CPNE4: variants seen among roughly 807,000 people sequenced by gnomAD.
CPNE4 encodes copine-4.
A neutral mutation model predicts 67.9 loss-of-function variants in CPNE4; 25 were observed. The ratio of observed to expected loss-of-function variants is 0.37; its 90% CI spans 0.27 to 0.51. The LOEUF is 0.51. Ranked by LOEUF, CPNE4 falls within the 20% of genes least tolerant of loss-of-function variation. CPNE4 has a pLI of 0.93. For synonymous variants in CPNE4, 242 were observed against 244.9 expected, an observed-to-expected ratio of 0.99 and a Z score of 0.11; for missense variants, 464 against 690.8, an observed-to-expected ratio of 0.67 and a Z score of 3.68.
intron 2 of CPNE4, among the ~76,000 whole-genome samples, chr3:131,785,671 TTCTCTCTCTCTC>T (rs10584037): frequency 1.1e-4 from 15 of 142,742 alleles, no homozygotes; most frequent in Non-Finnish European, 1.8e-4. Context: ...CTTTCTCTCT[TTCTCTCTCTCTC>T]TCTCTCTCTC....
intron 7 of CPNE4, among the ~76,000 whole-genome samples, chr3:131,650,724 G>C (rs1335692385): frequency 8.5e-6 from 1 of 118,196 alleles, no homozygotes; most frequent in Non-Finnish European, 1.6e-5. Flanking sequence ...CAGCCTGGGG[G>C]ACAGAGCAAG....
chr3:131,984,798 T>C lies in CPNE4; in HGVS notation c.-2+49769A>G, dbSNP rs74921010. On this transcript the variant is annotated intron_variant, in intron 1 of 15. Transcript: ENST00000429747. ...TAATACCTCAGTTTCTTCTGTCTTCTAGGGAGATACCTCTGAGGTCTATCT... is the reference window on the plus strand; with the variant it reads ...TAATACCTCAGTTTCTTCTGTCTTCCAGGGAGATACCTCTGAGGTCTATCT... 6.3e-3 allele frequency among the ~76,000 whole-genome samples: 959 copies of C among 152,300 alleles called. 12 individuals carry two copies. Among genetic ancestry groups the C allele is most frequent in the African/African-American group, 0.021 (882 of 41,552 alleles).
At chr3:131,684,245 A>G (rs1159181164) in intron 6 of CPNE4, among the ~76,000 whole-genome samples, 1 of 152,144 alleles carries the variant, frequency 6.6e-6, no homozygotes, top group Non-Finnish European at 1.5e-5. Flanking sequence ...CTATTTGGCC[A>G]TCTTGCTCTA....
intron 2 of CPNE4, among the ~76,000 whole-genome samples, chr3:131,804,162 A>C (rs890298029): frequency 6.6e-6 from 1 of 151,994 alleles, no homozygotes; most frequent in Non-Finnish European, 1.5e-5. Flanking sequence ...TGATTCAACT[A>C]TCAGGTAGAA....
chr3:131,920,677 C>T lies in CPNE4; in HGVS notation c.-1-15233G>A, dbSNP rs551281421. ...AGATGCTGATAAGAAAAAAAATCTC[C>T]GGAACCAGGAACTAGGCCCTTAAAA... On this transcript the variant is annotated intron_variant, in intron 1 of 15. Transcript: ENST00000429747. Among the ~76,000 whole-genome samples, 6 of 151,886 alleles carry T rather than the reference C, an allele frequency of 4.0e-5. No individual in the cohort carries two copies. In the South Asian group the frequency reaches 6.2e-4, roughly 16 times the overall value.
At chr3:131,663,300 G>A (rs374660041) in intron 7 of CPNE4, among the ~76,000 whole-genome samples, 16 of 151,912 alleles carry the variant, frequency 1.1e-4, no homozygotes, top group East Asian at 9.7e-4. Flanking sequence ...ATCATACATC[G>A]GGGCCTGTCA....
intron 2 of CPNE4, among the ~76,000 whole-genome samples, chr3:131,893,991 CA>C (rs369698274): frequency 1.3e-5 from 2 of 150,792 alleles, no homozygotes; most frequent in Admixed American, 6.6e-5. Flanking sequence ...ATATAGACTA[CA>C]AAAAAAAGAT....
intron 7 of CPNE4, among the ~76,000 whole-genome samples, chr3:131,615,527 T>G (rs766931326): frequency 3.9e-5 from 6 of 152,214 alleles, no homozygotes; most frequent in African/African-American, 7.2e-5. Flanking sequence ...GAAGAACCCT[T>G]AGTCAATGAA....
At chr3:132,033,405 CTGTGTGTGTGTG>C (rs59853721) in intron 1 of CPNE4, among the ~76,000 whole-genome samples, 2 of 150,840 alleles carry the variant, frequency 1.3e-5, no homozygotes, top group East Asian at 2.0e-4. Flanking sequence ...GTGTGTGTGT[CTGTGTGTGTGTG>C]TGTGTGTGTG....
chr3:131,752,165 T>C (rs975607535), intron 2 of CPNE4, among the ~76,000 whole-genome samples: 1 of 151,978 alleles, frequency 6.6e-6, no homozygotes, highest in African/African-American at 2.4e-5. Flanking sequence ...GGGGGTGAAA[T>C]CTCCAGCTCC....
At chr3:131,693,862 G>C (rs982882365) in intron 5 of CPNE4, among the ~76,000 whole-genome samples, 3 of 152,102 alleles carry the variant, frequency 2.0e-5, no homozygotes, top group African/African-American at 7.2e-5. Flanking sequence ...TGCTCCAAAA[G>C]ACTTAGATTT....
intron 2 of CPNE4, among the ~76,000 whole-genome samples, chr3:131,829,124 G>C (rs957300470): frequency 3.9e-5 from 6 of 152,150 alleles, no homozygotes; most frequent in African/African-American, 1.4e-4. Flanking sequence ...AAAACCATCA[G>C]ATCTTGTGAG....
intron 2 of CPNE4, among the ~76,000 whole-genome samples, chr3:131,849,627 A>T (rs1416354635): frequency 6.6e-6 from 1 of 152,096 alleles, no homozygotes; most frequent in African/African-American, 2.4e-5. Context: ...AATCCAAACG[A>T]TATCAGAAGG....
intron 3 of CPNE4, among the ~76,000 whole-genome samples, chr3:131,711,652 A>C (rs2081560772): frequency 6.6e-6 from 1 of 152,140 alleles, no homozygotes; most frequent in South Asian, 2.1e-4. Flanking sequence ...TAATTAATTC[A>C]TACCCGGCCT....
chr3:131,768,554 A>G (rs571926628), intron 2 of CPNE4, among the ~76,000 whole-genome samples: 2 of 152,244 alleles, frequency 1.3e-5, no homozygotes, highest in East Asian at 1.9e-4. Flanking sequence ...ATTTTGGCTA[A>G]CACTATGCAA....
At chr3:131,661,304 A>G (rs115723739) in intron 7 of CPNE4, among the ~76,000 whole-genome samples, 46 of 152,328 alleles carry the variant, frequency 3.0e-4, no homozygotes, top group African/African-American at 1.1e-3. Flanking sequence ...GTGTAAACTA[A>G]GCTCTGTAAT....
intron 7 of CPNE4, among the ~76,000 whole-genome samples, chr3:131,606,798 T>G (rs552963070): frequency 6.6e-6 from 1 of 151,716 alleles, no homozygotes; most frequent in African/African-American, 2.4e-5. Flanking sequence ...ACCCTCTAAA[T>G]GTCTGGAAAC....
intron 6 of CPNE4, among the ~76,000 whole-genome samples, chr3:131,682,852 A>G (rs1046387393): frequency 3.3e-5 from 5 of 151,982 alleles, no homozygotes; most frequent in African/African-American, 1.2e-4. Context: ...AAGCCATAAG[A>G]CAAAGTTTTT....
At chr3:131,836,670 G>A (rs2085568760) in intron 2 of CPNE4, among the ~76,000 whole-genome samples, 1 of 152,166 alleles carries the variant, frequency 6.6e-6, no homozygotes, top group Non-Finnish European at 1.5e-5. Flanking sequence ...ATTAGGCAAA[G>A]AGTTCTTAGA....
Sources: allele counts gnomAD v4.1 joint callset (sites outside exome capture counted in the v4.1 genomes callset), GRCh38; gene constraint gnomAD v4.1.1; transcripts MANE v1.5; gene names NCBI Gene and HGNC (gene_info 2026-07-23, HGNC 2026-07-21).